SLC20A2: variants seen among roughly 807,000 people sequenced by gnomAD.
The protein encoded by SLC20A2 is sodium-dependent phosphate transporter 2.
In SLC20A2, 30 loss-of-function variants were observed where a neutral mutation model predicts 61.0. The observed-to-expected ratio is 0.49, with a 90% CI of 0.37 to 0.67. SLC20A2 has a LOEUF of 0.67. Among genes scored for constraint, SLC20A2 ranks in the 30% least tolerant of loss-of-function variants. SLC20A2 has a pLI of 0.00. For missense variants in SLC20A2, 626 were observed against 866.4 expected, an observed-to-expected ratio of 0.72 and a Z score of 3.48; for synonymous variants, 351 against 353.3, an observed-to-expected ratio of 0.99 and a Z score of 0.07.
At chr8:42,511,582 G>A (rs549556068) in intron 1 of SLC20A2, among the ~76,000 whole-genome samples, 4 of 151,310 alleles carry the variant, frequency 2.6e-5, no homozygotes, top group South Asian at 2.1e-4. Flanking sequence ...AGCCAAGATC[G>A]CGCCACTGCA....
chr8:42,503,784 T>A (rs377432297), upstream of SLC20A2, among the ~76,000 whole-genome samples: 2 of 152,314 alleles, frequency 1.3e-5, no homozygotes, highest in South Asian at 4.2e-4. Flanking sequence ...ACAAATATCT[T>A]CCTGACAACA....
intron 1 of SLC20A2, among the ~76,000 whole-genome samples, chr8:42,530,095 T>C (rs1432559076): frequency 1.3e-5 from 2 of 152,108 alleles, no homozygotes; most frequent in Non-Finnish European, 2.9e-5. Context: ...ATTTTTTTTT[T>C]CCAAGCCAAA....
At chr8:42,503,258 G>T (rs904077366), upstream of SLC20A2, among the ~76,000 whole-genome samples, 5 of 152,140 alleles carry the variant, frequency 3.3e-5, no homozygotes. Context: ...TTTGTTCTAG[G>T]TATACTTATG....
rs181289378 is a variant in SLC20A2 at position 42,532,548 on chromosome 8, G to A, written c.-265+9273C>T. Among the ~76,000 whole-genome samples the A allele has an allele frequency of 3.3e-5, 5 of 152,322 alleles. No individual in the cohort carries two copies. The East Asian group carries it at 9.6e-4, about 29-fold the overall frequency. Reference sequence around the variant, plus strand: ...ACAGAGGAAGCTCAATGTTCGAAGGGAAGTTAATAATAATTGATTCATCCT... The same window carrying A: ...ACAGAGGAAGCTCAATGTTCGAAGGAAAGTTAATAATAATTGATTCATCCT... On this transcript the variant is annotated intron_variant, in intron 1 of 10. Coordinates refer to the SLC20A2 transcript ENST00000342228.
chr8:42,464,951 C>G (rs1325185053), intron 3 of SLC20A2, among the ~76,000 whole-genome samples: 2 of 152,050 alleles, frequency 1.3e-5, no homozygotes, highest in African/African-American at 4.8e-5. Context: ...CTCTAGCACT[C>G]CAGCCTGGGT....
chr8:42,460,169 G>T, intron 4 of SLC20A2, 177 bp from the exon 5 acceptor site: 1 of 521,594 alleles, frequency 1.9e-6, no homozygotes. Flanking sequence ...AAATGGCATT[G>T]GCTGGGGCCA....
chr8:42,456,976 T>G (rs1307594560), intron 5 of SLC20A2, among the ~76,000 whole-genome samples: 2 of 151,964 alleles, frequency 1.3e-5, no homozygotes, highest in Admixed American at 6.6e-5. Context: ...GAGGCTGGAG[T>G]GCAGTGGCGG....
intron 2 of SLC20A2, chr8:42,471,015 A>G (rs1807597880): frequency 2.9e-6 from 1 of 349,098 alleles, no homozygotes; most frequent in East Asian, 7.6e-5. Flanking sequence ...TAAGTGACAA[A>G]ATAAAGAACT....
intron 5 of SLC20A2, among the ~76,000 whole-genome samples, chr8:42,455,013 G>A (rs1806035761): frequency 6.7e-6 from 1 of 150,238 alleles, no homozygotes; most frequent in Admixed American, 6.7e-5. Context: ...ATCACCTCAG[G>A]TCAGGGGTTT....
At chr8:42,484,031 G>C (rs1030054235) in intron 1 of SLC20A2, among the ~76,000 whole-genome samples, 1 of 152,130 alleles carries the variant, frequency 6.6e-6, no homozygotes, top group Non-Finnish European at 1.5e-5. Context: ...ATAAACAGAG[G>C]AGCTGACAAA....
chr8:42,460,474 C>T (rs1806609477), intron 4 of SLC20A2, among the ~76,000 whole-genome samples: 1 of 152,226 alleles, frequency 6.6e-6, no homozygotes. Context: ...CACTGCATTA[C>T]CATGAGATTT....
rs549970027 is a variant in SLC20A2 at position 42,430,508 on chromosome 8, G to A, written c.1524-259C>T. ...CTCCTGAGTAATTGAGACTACAGCCGCGGGCCACCACACCCAGCTAATTTT... is the reference window on the plus strand; with the variant it reads ...CTCCTGAGTAATTGAGACTACAGCCACGGGCCACCACACCCAGCTAATTTT... On this transcript the variant is annotated intron_variant, in intron 8 of 10. Transcript: ENST00000520262. 5.3e-5 allele frequency among the ~76,000 whole-genome samples: 8 copies of A among 152,092 alleles called. No homozygotes were observed. The East Asian group carries it at 5.8e-4, about 11-fold the overall frequency.
intron 1 of SLC20A2, among the ~76,000 whole-genome samples, chr8:42,528,676 A>T (rs1244028435): frequency 6.6e-6 from 1 of 151,626 alleles, no homozygotes; most frequent in Non-Finnish European, 1.5e-5. Context: ...TTATTTTTTT[A>T]ATTTTTTTTG....
chr8:42,531,707 T>C (rs1370242843), intron 1 of SLC20A2, among the ~76,000 whole-genome samples: 1 of 152,116 alleles, frequency 6.6e-6, no homozygotes, highest in East Asian at 1.9e-4. Context: ...TGGTTGTTAA[T>C]GGCATTCTGA....
intron 8 of SLC20A2, among the ~76,000 whole-genome samples, chr8:42,432,976 TG>T (rs1395343038): frequency 6.6e-6 from 1 of 152,208 alleles, no homozygotes; most frequent in Non-Finnish European, 1.5e-5. Context: ...GTCTCCCAGG[TG>T]TTCCTGTACA....
intron 1 of SLC20A2, among the ~76,000 whole-genome samples, chr8:42,519,087 G>A (rs931308446): frequency 6.6e-6 from 1 of 152,158 alleles, no homozygotes; most frequent in African/African-American, 2.4e-5. Flanking sequence ...GAGCACAGAC[G>A]CTGTTCCTGT....
chr8:42,438,115 AAACTAATAATGTG>A (rs1330200605), intron 7 of SLC20A2, among the ~76,000 whole-genome samples: 5 of 151,632 alleles, frequency 3.3e-5, no homozygotes, highest in Non-Finnish European at 5.9e-5. Context: ...CAAAAGGGTA[AAACTAATAATGTG>A]GTATTTTCAA....
At position 42,437,212 on chromosome 8, in the gene SLC20A2, A is replaced by G; in HGVS notation, c.1300T>C (p.Ser434Pro). The G allele has an allele frequency of 1.9e-6, 3 of 1,613,742 alleles. No individual in the cohort carries two copies. Among genetic ancestry groups the G allele is most frequent in the Non-Finnish European group, 2.5e-6 (3 of 1,180,028 alleles). The change falls in exon 8 of 11, where the codon TCG becomes CCG. Residue 434 changes from serine (S) to proline (P), a missense_variant. Around this residue, in one of 3 missense-constraint regions of SLC20A2, gnomAD observed 361 missense variants for 422.3 expected, o/e 0.85. Transcript: ENST00000520262. This position sits in a 1 kb window ranked among gnomAD's most constrained non-coding sequence, Gnocchi z 6.4. ...TCTGCCACCGCGTTACAGTAGCTCGAGTAGCTGTCGTAGCGCAGCCTCTTC... is the reference window on the plus strand; with the variant it reads ...TCTGCCACCGCGTTACAGTAGCTCGGGTAGCTGTCGTAGCGCAGCCTCTTC... ...SKKRLRYDSY[S>P]SYCNAVAEAE...
chr8:42,455,469 G>A (rs895055439), intron 5 of SLC20A2, among the ~76,000 whole-genome samples: 2 of 151,574 alleles, frequency 1.3e-5, no homozygotes, highest in African/African-American at 4.9e-5. Context: ...GACCATCCTG[G>A]CTAACACGGT....
Sources: allele counts gnomAD v4.1 joint callset (sites outside exome capture counted in the v4.1 genomes callset), GRCh38; gene constraint gnomAD v4.1.1; regional missense constraint gnomAD v4.1.1; non-coding constraint Gnocchi (gnomAD v3.1); transcripts MANE v1.5; gene names NCBI Gene and HGNC (gene_info 2026-07-23, HGNC 2026-07-21).